KLK14: variants seen among roughly 807,000 people sequenced by gnomAD.
KLK14 encodes kallikrein related peptidase 14.
KLK14 carries 21 observed loss-of-function variants against 24.6 expected under a neutral mutation model. That is an observed-to-expected ratio of 0.85 (90% CI 0.61 to 1.23). The LOEUF is 1.23. KLK14 is among the 50% of genes most tolerant of loss of function. KLK14 has a pLI of 0.00. For missense variants in KLK14, 320 were observed against 338.9 expected, an observed-to-expected ratio of 0.94 and a Z score of 0.44; for synonymous variants, 133 against 139.7, an observed-to-expected ratio of 0.95 and a Z score of 0.34.
In KLK14 at chr19:51,078,456, A is replaced by G. The variant is rs138649934; in HGVS notation, c.604-297T>C. Among the ~76,000 whole-genome samples the G allele has an allele frequency of 1.6e-3, 249 of 152,100 alleles. 1 individual carries two copies. Among genetic ancestry groups the G allele is most frequent in the Middle Eastern group, 0.014 (4 of 294 alleles). On this transcript the variant is annotated intron_variant, in intron 5 of 5. Coordinates refer to ENST00000650543, the MANE Select transcript of KLK14 (RefSeq NM_001369775.2). This position sits in a 1 kb window ranked among gnomAD's most constrained non-coding sequence, Gnocchi z 5.0. ...TGTGTCTCTCTTTTTCTATTTCCCCATCTCTGCCTCCCTCAAGGATGCATT... is the reference window on the plus strand; with the variant it reads ...TGTGTCTCTCTTTTTCTATTTCCCCGTCTCTGCCTCCCTCAAGGATGCATT...
At position 51,078,149 on chromosome 19, in the gene KLK14, C is replaced by T; in HGVS notation, c.614G>A (p.Gly205Glu). Residue 205 changes from glycine to glutamate, a missense_variant, in exon 6 of 6, where the codon GGG becomes GAG. By Grantham distance (98) the Gly-to-Glu change is moderately conservative. Transcript: ENST00000650543. This position sits in a 1 kb window ranked among gnomAD's most constrained non-coding sequence, Gnocchi z 5.0. ...GGKDSCQGDS[G>E]GPLVCRGQLQ... ...CTGTCCTCTGCACACCAGGGGTCCC[C>T]CAGAGTCACCCTGAGGGGGAGGAAC... is the stretch of plus-strand genomic sequence containing the variant. 1 of 1,613,536 alleles carries T rather than the reference C, an allele frequency of 6.2e-7. No individual in the cohort carries two copies. The highest frequency in any genetic ancestry group is 1.7e-5 in the Admixed American group (1 of 59,960).
chr19:51,080,182 A>AT (rs5828456), intron 3 of KLK14, among the ~76,000 whole-genome samples: 44,947 of 144,990 alleles, frequency 0.31, 7,051 homozygotes, highest in Middle Eastern at 0.53. Context: ...TTATTTATTT[A>AT]TTTTTTTTTT....
chr19:51,081,220 T>A (rs1055967680), intron 3 of KLK14, among the ~76,000 whole-genome samples: 8 of 152,162 alleles, frequency 5.3e-5, no homozygotes, highest in African/African-American at 1.9e-4. Context: ...CAGCCACCAA[T>A]CTGGAATGGG....
chr19:51,077,948 C>T lies in KLK14; in HGVS notation c.*59G>A, dbSNP rs918459805. Reference sequence around the variant, plus strand: ...GGGGCTGGGGCCTGGACTCCTGGGTCCTGAGTAGAGAGAGGAGGGCCTGGG... The same window carrying T: ...GGGGCTGGGGCCTGGACTCCTGGGTTCTGAGTAGAGAGAGGAGGGCCTGGG... On this transcript the variant is annotated 3_prime_UTR_variant, in exon 6 of 6. Coordinates refer to ENST00000650543, the MANE Select transcript of KLK14 (RefSeq NM_001369775.2). 2 of 1,593,882 alleles carry T rather than the reference C, an allele frequency of 1.3e-6. No individual in the cohort carries two copies. The highest frequency in any genetic ancestry group is 2.7e-5 in the African/African-American group (2 of 74,170).
intron 2 of KLK14, among the ~76,000 whole-genome samples, chr19:51,082,314 G>A (rs2091845105): frequency 6.6e-6 from 1 of 152,080 alleles, no homozygotes; most frequent in South Asian, 2.1e-4. Flanking sequence ...GACCCACTCA[G>A]GACCTAATAG....
chr19:51,080,730 A>G (rs1270927605), intron 3 of KLK14, among the ~76,000 whole-genome samples: 2 of 151,818 alleles, frequency 1.3e-5, no homozygotes, highest in East Asian at 2.0e-4. Context: ...CTGGAGTGCA[A>G]TGGTGCGATC....
intron 4 of KLK14, among the ~76,000 whole-genome samples, 161 bp downstream of exon 4, chr19:51,079,288 C>T (rs1182578239): frequency 6.7e-6 from 1 of 149,544 alleles, no homozygotes; most frequent in African/African-American, 2.5e-5. Context: ...TCCTTGAGAC[C>T]CAGGAGTCCA....
At position 51,082,806 on chromosome 19, in the gene KLK14, C is replaced by A. The variant is rs1411335516; in HGVS notation, c.-107G>T. On this transcript the variant is annotated 5_prime_UTR_variant, in exon 1 of 6. Coordinates refer to ENST00000650543, the MANE Select transcript of KLK14 (RefSeq NM_001369775.2). ...AGGGGGGCGGGGCCTGCAGGCTCTG[C>A]GGGCGGCAGGTGGGAGGATGTGGAG... The A allele has an allele frequency of 1.9e-6, 3 of 1,589,520 alleles. No homozygotes were observed. The highest frequency in any genetic ancestry group is 1.8e-5 in the Admixed American group (1 of 55,954).
chr19:51,081,854 G>A (rs561679052), intron 2 of KLK14, 151 bp from the exon 3 acceptor site: 86 of 674,802 alleles, frequency 1.3e-4, no homozygotes, highest in Admixed American at 9.6e-4. Flanking sequence ...GGTGAGACAT[G>A]CCCAATATTG....
upstream of KLK14, among the ~76,000 whole-genome samples, chr19:51,083,785 G>C (rs564140259): frequency 6.6e-6 from 1 of 151,866 alleles, no homozygotes; most frequent in Non-Finnish European, 1.5e-5. Flanking sequence ...AATGGAAACA[G>C]ACACACAGAA....
chr19:51,079,628 C>T lies in KLK14; in HGVS notation c.287G>A (p.Arg96His), dbSNP rs61998181. ...GTTGTAGTTGGGGTGCGTCACCTGACGAACCACGCGCAGCACCTGCTGGGT... is the reference window on the plus strand; with the variant it reads ...GTTGTAGTTGGGGTGCGTCACCTGATGAACCACGCGCAGCACCTGCTGGGT... The part of the protein sequence containing the change: ...EATQQVLRVV[R>H]QVTHPNYNSR... The change falls in exon 4 of 6, where the codon CGT becomes CAT. Residue 96 changes from arginine to histidine, a missense_variant. Physicochemically the swap from Arg to His is conservative, Grantham distance 29 (BLOSUM62 0). Coordinates refer to ENST00000650543, the MANE Select transcript of KLK14 (RefSeq NM_001369775.2). 1.1e-3 allele frequency: 1,704 copies of T among 1,610,404 alleles called. 13 individuals are homozygous for T. The African/African-American group carries it at 0.018, about 17-fold the overall frequency.
rs2091838324 is a variant in KLK14 at position 51,081,410 on chromosome 19, C to T, written c.212+122G>A. The T allele has an allele frequency of 5.4e-6, 5 of 922,768 alleles. No individual in the cohort carries two copies. The Admixed American group carries it at 1.2e-4, about 22-fold the overall frequency. The allele number at this position is 922,768 out of a possible 1,614,324, so 57.2% of individuals were successfully genotyped here. On this transcript the variant is annotated intron_variant, in intron 3 of 5. Coordinates refer to ENST00000650543, the MANE Select transcript of KLK14 (RefSeq NM_001369775.2). ...TTTTTGTTCCAGGCTCTTCTCTAGA[C>T]CTCAAACCAGGAGCCAGCCACTACA...
chr19:51,078,061 G>GT lies in KLK14; in HGVS notation c.701dup (p.Tyr234Ter), dbSNP rs1568596867. The GT allele has an allele frequency of 6.2e-7, 1 of 1,614,018 alleles. No homozygotes were observed. The highest frequency in any genetic ancestry group is 1.1e-5 in the South Asian group (1 of 91,084). ...AGCTTCTGTACTTGCACAGGTTGGT[G>GT]TAGACACCGGGGTAGCCAGGCAGGG... ...RCALPGYPGV[Y>*]TNLCKYRSWI... Residue 234 changes from tyrosine (Y) to a stop codon, truncating the protein, a stop_gained and frameshift_variant, in exon 6 of 6, where the codon TAC becomes TAAC. Transcript: ENST00000650543. LOFTEE classifies it low-confidence loss of function (END_TRUNC). The surrounding 1 kb of genome is among the most constrained non-coding windows in gnomAD (Gnocchi z 5.0).
rs1395377301 is a variant in KLK14 at position 51,078,313 on chromosome 19, C to T, written c.604-154G>A. Among the ~76,000 whole-genome samples the T allele has an allele frequency of 6.6e-6, 1 of 152,128 alleles. No homozygotes were observed. Among genetic ancestry groups the T allele is most frequent in the Non-Finnish European group, 1.5e-5 (1 of 68,002 alleles). On this transcript the variant is annotated intron_variant, in intron 5 of 5. Transcript: ENST00000650543. The surrounding 1 kb of genome is among the most constrained non-coding windows in gnomAD (Gnocchi z 5.0). ...TGCCCCAGCTCTGAGGTCTCAGCCC[C>T]GGAGGTCGGGGCACTTCCTTCCCTC...
rs1365157082 is a variant in KLK14, at chr19:51,077,962, GGAGGGCCTGGGCAGCTGAC to G, written c.*26_*44del. The G allele has an allele frequency of 6.2e-7, 1 of 1,605,256 alleles. No individual in the cohort carries two copies. On this transcript the variant is annotated 3_prime_UTR_variant, in exon 6 of 6. Transcript: ENST00000650543. Reference sequence around the variant, plus strand: ...GACTCCTGGGTCCTGAGTAGAGAGAGGAGGGCCTGGGCAGCTGACGAGGTCCATCCCACCGTGAAGACCA... The same window carrying G: ...GACTCCTGGGTCCTGAGTAGAGAGAGGAGGTCCATCCCACCGTGAAGACCA...
chr19:51,082,288 G>T (rs1195204785), intron 2 of KLK14, among the ~76,000 whole-genome samples: 1 of 152,044 alleles, frequency 6.6e-6, no homozygotes, highest in Non-Finnish European at 1.5e-5. Flanking sequence ...GTAGAGCCCC[G>T]TGATCTTTCT....
intron 4 of KLK14, 50 bp downstream of exon 4, chr19:51,079,399 C>T (rs768082967): frequency 6.5e-7 from 1 of 1,530,980 alleles, no homozygotes; most frequent in Non-Finnish European, 8.8e-7. Flanking sequence ...TCCTGGAGAC[C>T]CAGGAGCCCA....
chr19:51,081,197 G>A (rs977838959), intron 3 of KLK14, among the ~76,000 whole-genome samples: 4 of 152,164 alleles, frequency 2.6e-5, no homozygotes, highest in Non-Finnish European at 4.4e-5. Context: ...GAATGTAGAC[G>A]GGGTCCTGAA....
In KLK14 at chr19:51,078,820, A is replaced by G; in HGVS notation, c.598T>C (p.Cys200Arg). ...GCTCCCATCCTGGGCCTTACCTGAC[A>G]AGAGTCCTTCCCGCCCTGGGGAACT... ...AGVPQGGKDS[C>R]QGDSGGPLVC... Residue 200 changes from cysteine (C) to arginine (R), a missense_variant, in exon 5 of 6, where the codon TGT becomes CGT. Coordinates refer to ENST00000650543, the MANE Select transcript of KLK14 (RefSeq NM_001369775.2). The surrounding 1 kb of genome is among the most constrained non-coding windows in gnomAD (Gnocchi z 5.0). The G allele has an allele frequency of 6.2e-6, 10 of 1,613,662 alleles. No homozygotes were observed. The highest frequency in any genetic ancestry group is 7.6e-6 in the Non-Finnish European group (9 of 1,179,714).
Sources: allele counts gnomAD v4.1 joint callset (sites outside exome capture counted in the v4.1 genomes callset), GRCh38; gene constraint gnomAD v4.1.1; non-coding constraint Gnocchi (gnomAD v3.1); transcripts MANE v1.5; gene names NCBI Gene and HGNC (gene_info 2026-07-23, HGNC 2026-07-21).